The following SNTG1 variants were observed in gnomAD, a reference collection of about 807,000 sequenced individuals.
SNTG1 encodes the protein gamma-1-syntrophin.
Under a neutral mutation model 74.7 loss-of-function variants are expected in SNTG1, and 39 were observed. The observed-to-expected ratio is 0.52, with a 90% CI of 0.40 to 0.68. The LOEUF (loss-of-function observed/expected upper bound fraction) is 0.68, where lower values mean the gene tolerates loss of function less well. SNTG1 is among the 30% of genes least tolerant of loss of function. SNTG1 has a pLI of 0.00. For missense variants in SNTG1, 685 were observed against 609.5 expected (o/e 1.12, Z -1.30); for synonymous variants, 254 against 217.1 (o/e 1.17, Z -1.49).
chr8:50,353,417 AAC>A (rs1199656764), intron 2 of SNTG1, among the ~76,000 whole-genome samples: 1 of 152,170 alleles, frequency 6.6e-6, no homozygotes, highest in East Asian at 1.9e-4. Flanking sequence ...TAAAAAAAAG[AAC>A]ACTTTTAGCA....
At chr8:50,413,908 T>C (rs2092982496) in intron 4 of SNTG1, among the ~76,000 whole-genome samples, 2 of 152,204 alleles carry the variant, frequency 1.3e-5, no homozygotes, top group South Asian at 4.1e-4. Flanking sequence ...CTGGAAGTTC[T>C]ATTCTATCCT....
intron 1 of SNTG1, among the ~76,000 whole-genome samples, chr8:50,037,695 A>G (rs1188842656): frequency 6.6e-6 from 1 of 152,240 alleles, no homozygotes; most frequent in African/African-American, 2.4e-5. Flanking sequence ...GGACAAATTC[A>G]TTAATTATCT....
At chr8:50,563,175 G>C (rs537012186) in intron 12 of SNTG1, among the ~76,000 whole-genome samples, 1 of 152,230 alleles carries the variant, frequency 6.6e-6, no homozygotes, top group East Asian at 1.9e-4. Context: ...GGGGCCTAGT[G>C]CTGGCTGGCT....
At chr8:50,353,341 G>T (rs148256345) in intron 2 of SNTG1, among the ~76,000 whole-genome samples, 6 of 151,902 alleles carry the variant, frequency 3.9e-5, no homozygotes, top group Non-Finnish European at 1.5e-5. Context: ...CCAACATGGC[G>T]CATGTATACA....
intron 13 of SNTG1, among the ~76,000 whole-genome samples, chr8:50,637,776 A>T (rs868140746): frequency 6.6e-6 from 1 of 152,164 alleles, no homozygotes; most frequent in Non-Finnish European, 1.5e-5. Flanking sequence ...TTTTAAAATA[A>T]TGTATCTAAA....
intron 1 of SNTG1, among the ~76,000 whole-genome samples, chr8:50,111,448 T>A (rs1480961242): frequency 6.6e-6 from 1 of 152,162 alleles, no homozygotes; most frequent in African/African-American, 2.4e-5. Flanking sequence ...CTTCTCATTC[T>A]TCTTGCACCT....
chr8:50,667,797 TTTTA>T (rs1295510480), intron 15 of SNTG1, among the ~76,000 whole-genome samples: 1 of 152,014 alleles, frequency 6.6e-6, no homozygotes, highest in African/African-American at 2.4e-5. Flanking sequence ...TTGCTTTACA[TTTTA>T]TTAAGTAATT....
intron 1 of SNTG1, among the ~76,000 whole-genome samples, chr8:50,091,117 T>C (rs914081844): frequency 6.6e-6 from 1 of 152,080 alleles, no homozygotes; most frequent in South Asian, 2.1e-4. Context: ...TAAAAATATA[T>C]TTTTTCTTAA....
chr8:50,694,692 G>A (rs2095397081), intron 15 of SNTG1, among the ~76,000 whole-genome samples: 2 of 152,000 alleles, frequency 1.3e-5, no homozygotes, highest in South Asian at 4.2e-4. Context: ...CATAATACTA[G>A]CCAACCAAAT....
At chr8:50,190,841 C>G (rs1356225949) in intron 2 of SNTG1, among the ~76,000 whole-genome samples, 1 of 152,058 alleles carries the variant, frequency 6.6e-6, no homozygotes, top group Non-Finnish European at 1.5e-5. Context: ...CACCTGTTCA[C>G]TCTTTCAGTA....
intron 2 of SNTG1, among the ~76,000 whole-genome samples, chr8:50,225,097 A>C (rs1221924039): frequency 1.3e-5 from 2 of 151,924 alleles, no homozygotes; most frequent in Non-Finnish European, 2.9e-5. Context: ...CAGCCTCCTG[A>C]GTAGCTGGGA....
At chr8:50,329,457 A>G (rs1274405673) in intron 2 of SNTG1, among the ~76,000 whole-genome samples, 1 of 152,120 alleles carries the variant, frequency 6.6e-6, no homozygotes, top group Non-Finnish European at 1.5e-5. Flanking sequence ...CCAAACCTCA[A>G]TTCTTGACTT....
chr8:50,630,907 G>A (rs1182925721), intron 13 of SNTG1, among the ~76,000 whole-genome samples: 1 of 152,178 alleles, frequency 6.6e-6, no homozygotes, highest in Non-Finnish European at 1.5e-5. Context: ...CTCTCCAAAA[G>A]TCAGATACAT....
intron 1 of SNTG1, among the ~76,000 whole-genome samples, chr8:49,989,397 CA>C (rs1346847289): frequency 2.6e-5 from 4 of 151,798 alleles, no homozygotes; most frequent in Non-Finnish European, 4.4e-5. Context: ...GAAATTGACT[CA>C]AAAAACAGAA....
intron 13 of SNTG1, 90 bp downstream of exon 13, chr8:50,591,007 A>ACC: frequency 1.2e-6 from 1 of 867,932 alleles, no homozygotes; most frequent in Non-Finnish European, 1.7e-6. Context: ...TTCTAGACAG[A>ACC]AATAATTGGT....
At position 50,183,056 on chromosome 8, in the gene SNTG1, C is replaced by T. The variant is rs542498491; in HGVS notation, c.-28+10421C>T. ...CACGGTTTGCCCCAACTGACTGTAA[C>T]GCCTAATCTGACCCATTCTGTTACC... On this transcript the variant is annotated intron_variant, in intron 2 of 18. Transcript: ENST00000642720. 4.6e-5 allele frequency among the ~76,000 whole-genome samples: 7 copies of T among 152,186 alleles called. No homozygotes were observed. The South Asian group carries it at 1.0e-3, about 23-fold the overall frequency.
intron 17 of SNTG1, among the ~76,000 whole-genome samples, chr8:50,736,015 C>A (rs922094930): frequency 6.6e-6 from 1 of 152,028 alleles, no homozygotes; most frequent in Non-Finnish European, 1.5e-5. Context: ...CATATCCAGC[C>A]AAACTAAGCT....
At chr8:50,254,004 A>C (rs530583720) in intron 2 of SNTG1, among the ~76,000 whole-genome samples, 1 of 152,312 alleles carries the variant, frequency 6.6e-6, no homozygotes, top group Admixed American at 6.5e-5. Flanking sequence ...AAAATAGTTA[A>C]CAGTAAGGTA....
chr8:50,666,765 G>A (rs1026631646), intron 15 of SNTG1, among the ~76,000 whole-genome samples: 4 of 151,558 alleles, frequency 2.6e-5, no homozygotes, highest in African/African-American at 9.7e-5. Flanking sequence ...TAGCTAAGAA[G>A]AAATACTAAC....
Sources: gnomAD v4.1 joint callset for allele counts (sites outside exome capture counted in the v4.1 genomes callset) on GRCh38, gnomAD v4.1.1 for gene constraint, MANE v1.5 for transcripts, NCBI Gene and HGNC (gene_info 2026-07-23, HGNC 2026-07-21) for gene names.